Variants in AGFG1 observed in about 807,000 individuals in gnomAD.
AGFG1 encodes the protein arf-GAP domain and FG repeat-containing protein 1.
A neutral mutation model predicts 60.6 loss-of-function variants in AGFG1; 10 were observed. The ratio of observed to expected loss-of-function variants is 0.16; its 90% CI spans 0.10 to 0.28. AGFG1 has a LOEUF of 0.28. Ranked by LOEUF, AGFG1 falls within the 10% of genes least tolerant of loss-of-function variation. The pLI, the probability that AGFG1 is intolerant of heterozygous loss-of-function variation, is 1.00. For missense variants in AGFG1, 537 were observed against 676.5 expected, an observed-to-expected ratio of 0.79 and a Z score of 2.29; for synonymous variants, 247 against 242.9, an observed-to-expected ratio of 1.02 and a Z score of -0.16.
rs140838611 is a variant in AGFG1, at chr2:227,557,743, T to G, written c.*3248T>G. Reference sequence around the variant, plus strand: ...TTTAAATCTGGCTTAATAAAAGCAGTGAGATTTTCATGCTGCTTTTGCATT... The same window carrying G: ...TTTAAATCTGGCTTAATAAAAGCAGGGAGATTTTCATGCTGCTTTTGCATT... On this transcript the variant is annotated 3_prime_UTR_variant, in exon 13 of 13. Transcript: ENST00000310078. The G allele has an allele frequency of 2.1e-3, 322 of 152,324 alleles. 2 individuals are homozygous for G. The highest frequency in any genetic ancestry group is 7.5e-3 in the African/African-American group (313 of 41,576). 9.4% of individuals were successfully genotyped at this position (152,324 alleles called of 1,614,324 possible).
At chr2:227,547,638 A>G (rs1692691903) in intron 10 of AGFG1, among the ~76,000 whole-genome samples, 1 of 152,236 alleles carries the variant, frequency 6.6e-6, no homozygotes, top group South Asian at 2.1e-4. Flanking sequence ...AAATATTTGA[A>G]TAGACATTTC....
At chr2:227,500,942 G>A (rs1246795798) in intron 2 of AGFG1, among the ~76,000 whole-genome samples, 3 of 151,582 alleles carry the variant, frequency 2.0e-5, no homozygotes, top group African/African-American at 7.3e-5. Context: ...ACAGGCGCTC[G>A]CCACCACGCC....
In AGFG1 at chr2:227,556,660, T is replaced by C. The variant is rs1474614648; in HGVS notation, c.*2165T>C. Reference sequence around the variant, plus strand: ...TGAATAGTAAATTAAACAGTTGTTATCAAAATGATTTTAAAGACTATTTCT... The same window carrying C: ...TGAATAGTAAATTAAACAGTTGTTACCAAAATGATTTTAAAGACTATTTCT... On this transcript the variant is annotated 3_prime_UTR_variant, in exon 13 of 13. Transcript: ENST00000310078. 1 of 152,676 alleles carries C rather than the reference T, an allele frequency of 6.5e-6. No homozygotes were observed. The allele number at this position is 152,676 out of a possible 1,614,324, so 9.5% of individuals were successfully genotyped here.
intron 1 of AGFG1, among the ~76,000 whole-genome samples, chr2:227,480,377 C>G (rs1013458501): frequency 1.3e-5 from 2 of 151,824 alleles, no homozygotes; most frequent in African/African-American, 2.4e-5. Flanking sequence ...TCCAAAAATT[C>G]TTGTCTTTCC....
intron 2 of AGFG1, among the ~76,000 whole-genome samples, chr2:227,496,084 G>T (rs1690964727): frequency 6.7e-6 from 1 of 148,700 alleles, no homozygotes; most frequent in Admixed American, 6.7e-5. Context: ...CTGCACTTCA[G>T]CCTGGGCAAC....
At chr2:227,551,403 C>T (rs1487154499) in intron 10 of AGFG1, among the ~76,000 whole-genome samples, 1 of 152,064 alleles carries the variant, frequency 6.6e-6, no homozygotes, top group Non-Finnish European at 1.5e-5. Context: ...AATCTCTCTT[C>T]TCTGGCTGTA....
At chr2:227,493,028 CAGT>C (rs1410789506) in intron 2 of AGFG1, among the ~76,000 whole-genome samples, 1 of 151,916 alleles carries the variant, frequency 6.6e-6, no homozygotes, top group Non-Finnish European at 1.5e-5. Context: ...AAAAATATGA[CAGT>C]AGGTAAAAAC....
At chr2:227,479,056 G>C (rs1196389039) in intron 1 of AGFG1, among the ~76,000 whole-genome samples, 1 of 152,188 alleles carries the variant, frequency 6.6e-6, no homozygotes, top group Non-Finnish European at 1.5e-5. Context: ...ACTCTCTCCT[G>C]AGAGAGGAGC....
chr2:227,545,129 C>CCGTA (rs1444237161), intron 10 of AGFG1, among the ~76,000 whole-genome samples: 4 of 152,108 alleles, frequency 2.6e-5, no homozygotes, highest in African/African-American at 7.2e-5. Flanking sequence ...TCACATAGTC[C>CCGTA]CGTAGTTCTT....
intron 1 of AGFG1, among the ~76,000 whole-genome samples, chr2:227,481,304 G>C (rs1270413639): frequency 6.6e-6 from 1 of 152,030 alleles, no homozygotes; most frequent in Non-Finnish European, 1.5e-5. Flanking sequence ...CCTAACAAGA[G>C]TCTTCAGCAG....
At chr2:227,527,457 A>C (rs901265166) in intron 5 of AGFG1, among the ~76,000 whole-genome samples, 1 of 152,212 alleles carries the variant, frequency 6.6e-6, no homozygotes, top group African/African-American at 2.4e-5. Flanking sequence ...TGCTGTTTTA[A>C]TGTTTCAGTC....
chr2:227,492,840 A>G (rs950866605), intron 2 of AGFG1, among the ~76,000 whole-genome samples: 7 of 152,112 alleles, frequency 4.6e-5, no homozygotes, highest in Non-Finnish European at 1.0e-4. Context: ...AAGAGTAAGC[A>G]TAGAATAATA....
chr2:227,476,732 AG>A (rs923201670), intron 1 of AGFG1, among the ~76,000 whole-genome samples: 5 of 152,342 alleles, frequency 3.3e-5, no homozygotes, highest in African/African-American at 1.2e-4. Context: ...ATTGCAAATC[AG>A]ATGCTCTTTT....
intron 2 of AGFG1, 86 bp from the exon 3 acceptor site, chr2:227,519,862 T>A (rs1575092960): frequency 1.4e-6 from 1 of 710,682 alleles, no homozygotes; most frequent in East Asian, 3.0e-5. Context: ...GTAGATTAGC[T>A]TCCTGAAAGA....
intron 1 of AGFG1, among the ~76,000 whole-genome samples, chr2:227,488,281 G>T (rs1178268728): frequency 1.3e-5 from 2 of 152,142 alleles, no homozygotes; most frequent in Non-Finnish European, 2.9e-5. Context: ...ATATGATAGG[G>T]CCTGGGATAT....
At chr2:227,545,456 T>C (rs1692615918) in intron 10 of AGFG1, among the ~76,000 whole-genome samples, 1 of 152,234 alleles carries the variant, frequency 6.6e-6, no homozygotes, top group African/African-American at 2.4e-5. Context: ...TCAAGCCTAC[T>C]TCTGTCAGTT....
intron 10 of AGFG1, 39 bp downstream of exon 10, chr2:227,537,032 A>G (rs1692335416): frequency 6.4e-7 from 1 of 1,558,096 alleles, no homozygotes; most frequent in Non-Finnish European, 8.8e-7. Context: ...GTTTTGGGGA[A>G]GACATTTATC....
intron 12 of AGFG1, among the ~76,000 whole-genome samples, 191 bp from the exon 13 acceptor site, chr2:227,554,245 G>A (rs935801361): frequency 3.9e-5 from 6 of 152,070 alleles, no homozygotes; most frequent in South Asian, 4.1e-4. Flanking sequence ...TATGAAAGAC[G>A]TAGCACAGTT....
intron 10 of AGFG1, among the ~76,000 whole-genome samples, chr2:227,545,357 G>T (rs368033490): frequency 6.6e-6 from 1 of 152,118 alleles, no homozygotes; most frequent in Non-Finnish European, 1.5e-5. Flanking sequence ...TTTGCCATTC[G>T]TCTAATCTTT....
Sources: gnomAD v4.1 joint callset for allele counts (sites outside exome capture counted in the v4.1 genomes callset) on GRCh38, gnomAD v4.1.1 for gene constraint, MANE v1.5 for transcripts, NCBI Gene and HGNC (gene_info 2026-07-23, HGNC 2026-07-21) for gene names.